NELL1: variants seen among roughly 807,000 people sequenced by gnomAD.
The protein encoded by NELL1 is protein kinase C-binding protein NELL1.
In NELL1, 76 loss-of-function variants were observed where a neutral mutation model predicts 107.4. The ratio of observed to expected loss-of-function variants is 0.71; its 90% CI spans 0.59 to 0.86. NELL1 has a LOEUF of 0.86. NELL1 is among the 40% of genes least tolerant of loss of function. The probability of loss-of-function intolerance (pLI) is 0.00; values close to 1 mark genes in which losing one functional copy is unlikely to be tolerated. For missense variants in NELL1, 1,024 were observed against 1,005.5 expected, an observed-to-expected ratio of 1.02 and a Z score of -0.25; for synonymous variants, 353 against 341.2, an observed-to-expected ratio of 1.03 and a Z score of -0.38.
intron 3 of NELL1, among the ~76,000 whole-genome samples, chr11:20,799,039 T>A (rs1312959791): frequency 1.7e-5 from 2 of 115,216 alleles, no homozygotes; most frequent in African/African-American, 5.3e-5. Context: ...GGATGAGGGA[T>A]AGGTCAGTAG....
chr11:21,027,906 G>A (rs148345664), intron 12 of NELL1, among the ~76,000 whole-genome samples: 1 of 152,220 alleles, frequency 6.6e-6, no homozygotes, highest in East Asian at 1.9e-4. Flanking sequence ...TAGTGAAGCT[G>A]AGCTGTGCTT....
intron 4 of NELL1, among the ~76,000 whole-genome samples, chr11:20,874,153 C>T (rs909980964): frequency 2.6e-5 from 4 of 152,168 alleles, no homozygotes; most frequent in African/African-American, 9.7e-5. Context: ...CTGCAACCTC[C>T]GCCTCCTGGG....
At chr11:21,343,738 A>G (rs2133707634) in intron 14 of NELL1, among the ~76,000 whole-genome samples, 1 of 152,324 alleles carries the variant, frequency 6.6e-6, no homozygotes, top group Non-Finnish European at 1.5e-5. Flanking sequence ...CCAATAGTTT[A>G]CTTACAAAAA....
At chr11:21,028,571 C>A (rs1389436146) in intron 12 of NELL1, among the ~76,000 whole-genome samples, 1 of 152,076 alleles carries the variant, frequency 6.6e-6, no homozygotes, top group Non-Finnish European at 1.5e-5. Context: ...TACAACTGTC[C>A]CAGTCTGATT....
chr11:20,927,571 A>G (rs916279246), intron 8 of NELL1, 129 bp downstream of exon 8: 6 of 744,812 alleles, frequency 8.1e-6, no homozygotes, highest in Non-Finnish European at 1.3e-5. Flanking sequence ...CCTAGCACCC[A>G]CTAGCCATAC....
chr11:21,195,954 G>A, intron 13 of NELL1, among the ~76,000 whole-genome samples: 1 of 152,180 alleles, frequency 6.6e-6, no homozygotes, highest in South Asian at 2.1e-4. Flanking sequence ...TCCCACCTTG[G>A]ATTTTCCTGA....
At position 20,730,725 on chromosome 11, in the gene NELL1, C is replaced by A. The variant is rs374137838; in HGVS notation, c.184+52665C>A. ...GGTGAAAGCCAGCAAGGTTTGGGAT[C>A]ATTTAACCTTGAGAGCAGCAGACTG... is the stretch of plus-strand genomic sequence containing the variant. On this transcript the variant is annotated intron_variant, in intron 2 of 19. Coordinates refer to ENST00000357134, the MANE Select transcript of NELL1 (RefSeq NM_006157.5). Among the ~76,000 whole-genome samples, 224 of 152,272 alleles carry A rather than the reference C, an allele frequency of 1.5e-3. 1 individual carries two copies. Among genetic ancestry groups the A allele is most frequent in the Admixed American group, 2.5e-3 (38 of 15,298 alleles).
At chr11:20,711,106 G>A (rs1288685617) in intron 2 of NELL1, among the ~76,000 whole-genome samples, 2 of 151,932 alleles carry the variant, frequency 1.3e-5, no homozygotes, top group Non-Finnish European at 2.9e-5. Flanking sequence ...GTTCCCTGGG[G>A]TGTGACCTTA....
At chr11:21,527,406 C>A (rs971509116) in intron 15 of NELL1, among the ~76,000 whole-genome samples, 1 of 152,130 alleles carries the variant, frequency 6.6e-6, no homozygotes, top group African/African-American at 2.4e-5. Flanking sequence ...TTCTTTTGAG[C>A]CCTCCAAAGT....
chr11:20,698,955 G>A (rs1854695853), intron 2 of NELL1, among the ~76,000 whole-genome samples: 1 of 152,100 alleles, frequency 6.6e-6, no homozygotes, highest in Middle Eastern at 3.2e-3. Context: ...GGTGGCTCAT[G>A]CCTGTAATCC....
rs78768210 is a variant in NELL1 at position 20,971,000 on chromosome 11, A to G, written c.1300+10440A>G. 5.7e-3 allele frequency among the ~76,000 whole-genome samples: 863 copies of G among 152,326 alleles called. 11 individuals carry two copies. The highest frequency in any genetic ancestry group is 0.02 in the African/African-American group (819 of 41,586). On this transcript the variant is annotated intron_variant, in intron 12 of 19. Transcript: ENST00000357134. ...GGAGATAAAGCATCGTTGAGGTCAT[A>G]AGAATGAACTTGCATGGCCTTGCTT...
chr11:20,962,536 C>T (rs1009063044), intron 12 of NELL1, among the ~76,000 whole-genome samples: 7 of 152,166 alleles, frequency 4.6e-5, no homozygotes, highest in African/African-American at 1.7e-4. Flanking sequence ...TGAGACCCAG[C>T]AGAATATGAG....
intron 15 of NELL1, among the ~76,000 whole-genome samples, chr11:21,447,441 G>T (rs1394369113): frequency 6.6e-6 from 1 of 152,126 alleles, no homozygotes; most frequent in East Asian, 1.9e-4. Flanking sequence ...TGTACTACCT[G>T]GTTACTTCTG....
intron 12 of NELL1, among the ~76,000 whole-genome samples, chr11:21,077,356 A>T (rs1042964479): frequency 6.6e-6 from 1 of 152,202 alleles, no homozygotes; most frequent in Non-Finnish European, 1.5e-5. Context: ...AGAATGCTAT[A>T]AAAAGCCAAT....
chr11:21,322,430 T>A (rs1333686386), intron 14 of NELL1, among the ~76,000 whole-genome samples: 2 of 152,168 alleles, frequency 1.3e-5, no homozygotes, highest in African/African-American at 2.4e-5. Flanking sequence ...CTCTTCAAGA[T>A]GTGGTATCTC....
Position 20,847,760 on chromosome 11 carries a change from C to A in NELL1, c.506+7C>A. The A allele has an allele frequency of 3.7e-6, 6 of 1,604,130 alleles. No homozygotes were observed. The highest frequency in any genetic ancestry group is 5.1e-6 in the Non-Finnish European group (6 of 1,175,062). Reference sequence around the variant, plus strand: ...TCCATGTCGACTGTAACAGGTATTTCTTTGTCTTTGAGTGTTGCTGATTCT... The same window carrying A: ...TCCATGTCGACTGTAACAGGTATTTATTTGTCTTTGAGTGTTGCTGATTCT... On this transcript the variant is annotated splice_region_variant and intron_variant, in intron 4 of 19. Coordinates refer to ENST00000357134, the MANE Select transcript of NELL1 (RefSeq NM_006157.5).
At chr11:21,260,325 G>C (rs1590781992) in intron 14 of NELL1, 1 of 151,946 alleles carries the variant, frequency 6.6e-6, no homozygotes, top group South Asian at 2.1e-4. Flanking sequence ...GCTGCCTAAG[G>C]ATATAGAAAG....
intron 12 of NELL1, among the ~76,000 whole-genome samples, chr11:21,097,442 C>T (rs1854673944): frequency 6.6e-6 from 1 of 152,176 alleles, no homozygotes; most frequent in Non-Finnish European, 1.5e-5. Flanking sequence ...CAGTCCTTAT[C>T]TCTTTGTCCC....
intron 2 of NELL1, among the ~76,000 whole-genome samples, chr11:20,760,214 T>C (rs577019727): frequency 1.3e-5 from 2 of 152,300 alleles, no homozygotes; most frequent in South Asian, 4.1e-4. Context: ...AAAGAGGAGA[T>C]TGACACTAGA....
Sources: gnomAD v4.1 joint callset for allele counts (sites outside exome capture counted in the v4.1 genomes callset) on GRCh38, gnomAD v4.1.1 for gene constraint, MANE v1.5 for transcripts, NCBI Gene and HGNC (gene_info 2026-07-23, HGNC 2026-07-21) for gene names.